Variants in XRCC5 observed in about 807,000 individuals in gnomAD.
The protein encoded by XRCC5 is X-ray repair cross complementing 5, also known as DNA repair protein Ku80.
In XRCC5, 12 loss-of-function variants were observed where a neutral mutation model predicts 95.7. The ratio of observed to expected loss-of-function variants is 0.13; its 90% CI spans 0.08 to 0.20. The LOEUF is 0.20. XRCC5 is among the 10% of genes least tolerant of loss of function. The probability of loss-of-function intolerance (pLI) is 1.00; values close to 1 mark genes in which losing one functional copy is unlikely to be tolerated. For synonymous variants in XRCC5, 281 were observed against 290.3 expected (o/e 0.97, Z 0.33); for missense variants, 595 against 873.9 (o/e 0.68, Z 4.02).
chr2:216,113,422 T>C (rs1696630596), intron 2 of XRCC5, among the ~76,000 whole-genome samples: 1 of 152,238 alleles, frequency 6.6e-6, no homozygotes, highest in Non-Finnish European at 1.5e-5. Flanking sequence ...CTTGGGTTTG[T>C]ATCCTTGCTC....
At chr2:216,153,017 C>T (rs1224335107) in intron 14 of XRCC5, among the ~76,000 whole-genome samples, 2 of 152,114 alleles carry the variant, frequency 1.3e-5, no homozygotes, top group Non-Finnish European at 2.9e-5. Context: ...AGCTTCTTCC[C>T]TCTAATTACT....
chr2:216,117,844 G>T (rs765292412), intron 4 of XRCC5, 50 bp downstream of exon 4: 11 of 1,564,746 alleles, frequency 7.0e-6, no homozygotes, highest in African/African-American at 1.4e-5. Context: ...TGCAAAAATT[G>T]TATGGGTTAA....
chr2:216,205,296 C>A lies in XRCC5; in HGVS notation c.*94C>A. 1 of 1,510,596 alleles carries A rather than the reference C, an allele frequency of 6.6e-7. No individual in the cohort carries two copies. Among genetic ancestry groups the A allele is most frequent in the Non-Finnish European group, 9.2e-7 (1 of 1,086,310 alleles). 93.6% of individuals were successfully genotyped at this position (1,510,596 alleles called of 1,614,324 possible). On this transcript the variant is annotated 3_prime_UTR_variant, in exon 21 of 21. Coordinates refer to ENST00000392132, the MANE Select transcript of XRCC5 (RefSeq NM_021141.4). ...TTGGATGCGGCCATTCAAGGGGAGC[C>A]AAAATCTCAAGAAATTCCCAGCAGG... is the stretch of plus-strand genomic sequence containing the variant.
At chr2:216,126,274 A>G (rs1233181080) in intron 7 of XRCC5, among the ~76,000 whole-genome samples, 9 of 152,170 alleles carry the variant, frequency 5.9e-5, no homozygotes, top group Non-Finnish European at 7.3e-5. Context: ...TCCATTGGTA[A>G]TTGATTGTTA....
chr2:216,116,498 T>C, intron 2 of XRCC5, 161 bp from the exon 3 acceptor site: 2 of 730,776 alleles, frequency 2.7e-6, no homozygotes, highest in Non-Finnish European at 4.7e-6. Context: ...ACCTAAGAAT[T>C]GTCATTGTCT....
At chr2:216,123,543 T>A (rs1460066259) in intron 6 of XRCC5, among the ~76,000 whole-genome samples, 1 of 152,176 alleles carries the variant, frequency 6.6e-6, no homozygotes, top group African/African-American at 2.4e-5. Context: ...CGGTGGCTTA[T>A]GCTTGTAATT....
intron 1 of XRCC5, among the ~76,000 whole-genome samples, chr2:216,112,051 T>A (rs373437930): frequency 1.3e-5 from 2 of 152,264 alleles, no homozygotes; most frequent in South Asian, 4.1e-4. Flanking sequence ...ACGTTGTTGA[T>A]TGATTTTATA....
intron 10 of XRCC5, among the ~76,000 whole-genome samples, chr2:216,134,448 C>T (rs191151555): frequency 1.3e-4 from 19 of 140,774 alleles, no homozygotes; most frequent in African/African-American, 4.8e-4. Context: ...TTTTTTGAGA[C>T]GGAGTTTGGC....
chr2:216,136,956 G>A (rs998465816), intron 10 of XRCC5, 132 bp from the exon 11 acceptor site: 48 of 1,041,972 alleles, frequency 4.6e-5, no homozygotes, highest in African/African-American at 1.6e-4. Context: ...TGTGCACTTC[G>A]TCCTTCAAGT....
At chr2:216,160,484 G>C (rs754418949) in intron 15 of XRCC5, among the ~76,000 whole-genome samples, 22 of 151,968 alleles carry the variant, frequency 1.4e-4, no homozygotes, top group Non-Finnish European at 2.9e-4. Context: ...GATAAGTGGG[G>C]GTTAGTGATA....
At chr2:216,175,834 A>G (rs1689262212) in intron 16 of XRCC5, 4 of 435,060 alleles carry the variant, frequency 9.2e-6, no homozygotes, top group Non-Finnish European at 1.8e-5. Context: ...TCATTACCAC[A>G]CAATCTGTGA....
At position 216,139,205 on chromosome 2, in the gene XRCC5, G is replaced by A. The variant is rs118131671; in HGVS notation, c.1342+1026G>A. Reference sequence around the variant, plus strand: ...CTCTGTCACCTGGCTGGAGTGCAGCGGCGTGATCATAGCTTACTGGAGCCT... The same window carrying A: ...CTCTGTCACCTGGCTGGAGTGCAGCAGCGTGATCATAGCTTACTGGAGCCT... On this transcript the variant is annotated intron_variant, in intron 12 of 20. Coordinates refer to ENST00000392132, the MANE Select transcript of XRCC5 (RefSeq NM_021141.4). Among the ~76,000 whole-genome samples the A allele has an allele frequency of 7.6e-3, 1,163 of 152,158 alleles. 40 individuals carry two copies. The highest frequency in any genetic ancestry group is 0.064 in the Admixed American group (971 of 15,278).
intron 14 of XRCC5, among the ~76,000 whole-genome samples, chr2:216,148,597 T>A (rs1341622095): frequency 6.6e-6 from 1 of 152,206 alleles, no homozygotes; most frequent in East Asian, 1.9e-4. Context: ...ATGTCACCCT[T>A]TTTAAAGTAA....
chr2:216,118,323 C>T (rs917456854), intron 4 of XRCC5, among the ~76,000 whole-genome samples: 5 of 151,970 alleles, frequency 3.3e-5, no homozygotes, highest in African/African-American at 1.2e-4. Context: ...ACTACAGGTG[C>T]ACACCCAAGT....
intron 16 of XRCC5, chr2:216,175,774 A>C: frequency 2.2e-6 from 1 of 449,584 alleles, no homozygotes; most frequent in Non-Finnish European, 4.3e-6. Flanking sequence ...TCTTCAACAC[A>C]AGAGAAAGCC....
intron 16 of XRCC5, among the ~76,000 whole-genome samples, chr2:216,181,224 A>G (rs965703932): frequency 6.6e-6 from 1 of 152,106 alleles, no homozygotes; most frequent in Non-Finnish European, 1.5e-5. Context: ...TCTTATCACT[A>G]TCCGAATTCA....
intron 5 of XRCC5, among the ~76,000 whole-genome samples, chr2:216,120,092 C>CGACA (rs3836037): frequency 0.052 from 7,854 of 152,130 alleles, 852 homozygotes; most frequent in East Asian, 0.45. Context: ...GACTACAGAG[C>CGACA]GACATCTCCT....
chr2:216,167,017 T>G (rs533476022), intron 16 of XRCC5, among the ~76,000 whole-genome samples: 5 of 152,298 alleles, frequency 3.3e-5, no homozygotes, highest in Admixed American at 3.3e-4. Flanking sequence ...TAGGCTTGTG[T>G]GTAGTGACAG....
intron 12 of XRCC5, 60 bp downstream of exon 12, chr2:216,138,239 C>G (rs1697120236): frequency 2.0e-6 from 3 of 1,480,078 alleles, no homozygotes; most frequent in Non-Finnish European, 1.9e-6. Context: ...GGGAAATCAC[C>G]TGTCTGCTAG....
Sources: allele counts gnomAD v4.1 joint callset (sites outside exome capture counted in the v4.1 genomes callset), GRCh38; gene constraint gnomAD v4.1.1; transcripts MANE v1.5; gene names NCBI Gene and HGNC (gene_info 2026-07-23, HGNC 2026-07-21).